The following QTMAN variants were observed in gnomAD, a reference collection of about 807,000 sequenced individuals.
QTMAN encodes tRNA-queuosine alpha-mannosyltransferase.
At chr2:144,076,307 A>T in the QTMAN span, among the ~76,000 whole-genome samples, 1 of 152,110 alleles carries the variant, frequency 6.6e-6, no homozygotes, top group African/African-American at 2.4e-5. Context: ...TACACAAATC[A>T]CTGCACTGGA....
the QTMAN span, among the ~76,000 whole-genome samples, chr2:144,031,692 A>C: frequency 2.6e-5 from 4 of 152,166 alleles, no homozygotes; most frequent in African/African-American, 9.7e-5. Context: ...ATAAGCAGCC[A>C]ATTTACTTTG....
the QTMAN span, among the ~76,000 whole-genome samples, chr2:144,269,631 G>A: frequency 6.6e-6 from 1 of 151,908 alleles, no homozygotes; most frequent in East Asian, 1.9e-4. Context: ...GATATGGAAG[G>A]GGTTCTAATG....
At chr2:144,184,070 A>G in the QTMAN span, among the ~76,000 whole-genome samples, 3 of 152,228 alleles carry the variant, frequency 2.0e-5, no homozygotes, top group African/African-American at 7.2e-5. Context: ...AGCTGGGATA[A>G]GTTAGAGAGT....
chr2:144,002,091 G>A, the QTMAN span, among the ~76,000 whole-genome samples: 1 of 151,912 alleles, frequency 6.6e-6, no homozygotes, highest in African/African-American at 2.4e-5. Flanking sequence ...GAACAATGGT[G>A]AATAAAGCTG....
chr2:143,986,172 T>C, the QTMAN span, among the ~76,000 whole-genome samples: 1 of 152,182 alleles, frequency 6.6e-6, no homozygotes, highest in Non-Finnish European at 1.5e-5. Flanking sequence ...AACAAAACAT[T>C]ATGGTATAGC....
At chr2:144,022,270 T>A in the QTMAN span, among the ~76,000 whole-genome samples, 1 of 151,992 alleles carries the variant, frequency 6.6e-6, no homozygotes, top group Non-Finnish European at 1.5e-5. Flanking sequence ...TCTTAATATC[T>A]CTTTCCTATT....
chr2:144,324,699 A>AGATATGAATAAGATAC, the QTMAN span, among the ~76,000 whole-genome samples: 1 of 152,216 alleles, frequency 6.6e-6, no homozygotes, highest in Non-Finnish European at 1.5e-5. Context: ...GATATGAATC[A>AGATATGAATAAGATAC]CCTTGTATCT....
the QTMAN span, among the ~76,000 whole-genome samples, chr2:144,208,175 C>T: frequency 1.3e-5 from 2 of 152,140 alleles, no homozygotes; most frequent in Admixed American, 6.5e-5. Flanking sequence ...CCAAATCAAC[C>T]TCTCCATCTT....
the QTMAN span, chr2:144,208,703 C>T: frequency 6.2e-7 from 1 of 1,613,794 alleles, no homozygotes; most frequent in Non-Finnish European, 8.5e-7. Context: ...ACGACACAGT[C>T]TCCTAACTCT....
the QTMAN span, among the ~76,000 whole-genome samples, chr2:144,300,196 A>G: frequency 1.1e-4 from 16 of 152,348 alleles, no homozygotes; most frequent in Middle Eastern, 3.4e-3. Flanking sequence ...AGATGGCTGC[A>G]CAACAATGGG....
chr2:144,233,694 T>TG, the QTMAN span, among the ~76,000 whole-genome samples: 13 of 152,294 alleles, frequency 8.5e-5, no homozygotes, highest in African/African-American at 2.9e-4. Flanking sequence ...TGATATAGTT[T>TG]GGGGGGGATT....
chr2:144,254,258 C>T, the QTMAN span, among the ~76,000 whole-genome samples: 1 of 152,086 alleles, frequency 6.6e-6, no homozygotes, highest in South Asian at 2.1e-4. Flanking sequence ...CCCATCTCTA[C>T]TAAAAATACA....
chr2:144,014,490 GAA>G, the QTMAN span, among the ~76,000 whole-genome samples: 1 of 152,042 alleles, frequency 6.6e-6, no homozygotes, highest in Non-Finnish European at 1.5e-5. Flanking sequence ...GATAAGATAG[GAA>G]AAACAGGATC....
At chr2:144,144,592 CT>C in the QTMAN span, among the ~76,000 whole-genome samples, 1 of 151,778 alleles carries the variant, frequency 6.6e-6, no homozygotes. Flanking sequence ...AAAACGGCTG[CT>C]TTTTTTATGA....
the QTMAN span, among the ~76,000 whole-genome samples, chr2:144,114,123 T>C: frequency 6.6e-6 from 1 of 152,202 alleles, no homozygotes; most frequent in Non-Finnish European, 1.5e-5. Context: ...TGAGTTTGCA[T>C]CATCTGTCAT....
At chr2:144,265,466 G>C in the QTMAN span, among the ~76,000 whole-genome samples, 1 of 152,156 alleles carries the variant, frequency 6.6e-6, no homozygotes, top group Non-Finnish European at 1.5e-5. Context: ...GGGAGGCTGA[G>C]GGGGGCAGAT....
chr2:143,962,436 G>A, the QTMAN span, among the ~76,000 whole-genome samples: 1 of 152,064 alleles, frequency 6.6e-6, no homozygotes, highest in East Asian at 1.9e-4. Flanking sequence ...AGATTTTGAA[G>A]AACCTCCCCC....
At chr2:143,998,333 T>C in the QTMAN span, among the ~76,000 whole-genome samples, 2 of 152,082 alleles carry the variant, frequency 1.3e-5, no homozygotes, top group Non-Finnish European at 2.9e-5. Context: ...TTTGTTTCTC[T>C]GTTTCTGAAT....
chr2:144,016,901 G>A, the QTMAN span, among the ~76,000 whole-genome samples: 8 of 152,052 alleles, frequency 5.3e-5, no homozygotes, highest in Non-Finnish European at 1.2e-4. Context: ...TGTTGATAGT[G>A]ACAAAAATAT....
Sources: allele counts gnomAD v4.1 joint callset (sites outside exome capture counted in the v4.1 genomes callset), GRCh38; gene constraint gnomAD v4.1.1; transcripts MANE v1.5; gene names NCBI Gene and HGNC (gene_info 2026-07-23, HGNC 2026-07-21).